The following AK5 variants were observed in gnomAD, a reference collection of about 807,000 sequenced individuals.
AK5 encodes the protein adenylate kinase 5.
Under a neutral mutation model 69.5 loss-of-function variants are expected in AK5, and 27 were observed. The ratio of observed to expected loss-of-function variants is 0.39; its 90% CI spans 0.29 to 0.54. The LOEUF is 0.54. AK5 is among the 20% of genes least tolerant of loss of function. The probability of loss-of-function intolerance (pLI) is 0.71; values close to 1 mark genes in which losing one functional copy is unlikely to be tolerated. For missense variants in AK5, 531 were observed against 700.4 expected, an observed-to-expected ratio of 0.76 and a Z score of 2.73; for synonymous variants, 260 against 244.4, an observed-to-expected ratio of 1.06 and a Z score of -0.60.
chr1:77,327,107 C>CA (rs1300438761), intron 5 of AK5, among the ~76,000 whole-genome samples: 1 of 152,076 alleles, frequency 6.6e-6, no homozygotes, highest in African/African-American at 2.4e-5. Flanking sequence ...CTAAATGGGG[C>CA]AGGGTGCAAT....
chr1:77,510,034 G>C (rs1447454587), intron 10 of AK5, among the ~76,000 whole-genome samples: 1 of 152,210 alleles, frequency 6.6e-6, no homozygotes, highest in Non-Finnish European at 1.5e-5. Context: ...CTTGATCAAA[G>C]TCATCTAACC....
chr1:77,378,415 G>A (rs12043793), intron 6 of AK5, among the ~76,000 whole-genome samples: 33,084 of 151,862 alleles, frequency 0.22, 3,810 homozygotes, highest in Middle Eastern at 0.36. Context: ...TCCGCCTCTC[G>A]GGTTCAAGTG....
At chr1:77,491,194 G>T (rs1371844163) in intron 10 of AK5, among the ~76,000 whole-genome samples, 1 of 151,714 alleles carries the variant, frequency 6.6e-6, no homozygotes, top group African/African-American at 2.4e-5. Flanking sequence ...AGGAAAACTG[G>T]AGTAATAAGA....
At chr1:77,305,602 CT>C (rs1659592060) in intron 5 of AK5, among the ~76,000 whole-genome samples, 1 of 152,182 alleles carries the variant, frequency 6.6e-6, no homozygotes, top group East Asian at 1.9e-4. Flanking sequence ...AAGAGACTGT[CT>C]TTTCCCAATG....
intron 5 of AK5, among the ~76,000 whole-genome samples, chr1:77,331,081 T>A (rs1661062848): frequency 6.6e-6 from 1 of 152,046 alleles, no homozygotes; most frequent in African/African-American, 2.4e-5. Context: ...AAATATAATA[T>A]AATTATGCAG....
intron 13 of AK5, among the ~76,000 whole-genome samples, chr1:77,542,571 A>G (rs1659334449): frequency 2.0e-5 from 3 of 152,220 alleles, no homozygotes. Context: ...GAGAAACCAC[A>G]GAAATAGCTA....
At chr1:77,505,465 A>T (rs929175276) in intron 10 of AK5, among the ~76,000 whole-genome samples, 8 of 152,210 alleles carry the variant, frequency 5.3e-5, no homozygotes, top group Non-Finnish European at 7.3e-5. Flanking sequence ...TTTAGCAGTT[A>T]CCTATGGGGA....
chr1:77,418,550 T>A (rs1008576939), intron 8 of AK5, among the ~76,000 whole-genome samples: 4 of 152,226 alleles, frequency 2.6e-5, no homozygotes, highest in Non-Finnish European at 5.9e-5. Context: ...TCTGGGTCAT[T>A]TTCCTCTCAG....
At chr1:77,291,139 G>A (rs571774460) in intron 2 of AK5, among the ~76,000 whole-genome samples, 4 of 152,184 alleles carry the variant, frequency 2.6e-5, no homozygotes, top group African/African-American at 9.6e-5. Flanking sequence ...ATTTGGTCAG[G>A]AATGAGAGAA....
intron 6 of AK5, among the ~76,000 whole-genome samples, chr1:77,403,925 A>G (rs1224958325): frequency 1.3e-5 from 2 of 152,234 alleles, no homozygotes; most frequent in Non-Finnish European, 2.9e-5. Flanking sequence ...CTTCCTACCC[A>G]TGAGCATGGA....
At chr1:77,338,994 C>A (rs1471516003) in intron 5 of AK5, among the ~76,000 whole-genome samples, 1 of 152,150 alleles carries the variant, frequency 6.6e-6, no homozygotes, top group Non-Finnish European at 1.5e-5. Context: ...GTCTTCCAGC[C>A]TCCCAAGTCC....
intron 13 of AK5, among the ~76,000 whole-genome samples, chr1:77,545,160 C>T (rs977698706): frequency 1.3e-5 from 2 of 152,190 alleles, no homozygotes; most frequent in Non-Finnish European, 2.9e-5. Context: ...ACCTTGCCTC[C>T]CTCAAGTAAC....
At chr1:77,333,211 C>A (rs997320162) in intron 5 of AK5, among the ~76,000 whole-genome samples, 2 of 152,090 alleles carry the variant, frequency 1.3e-5, no homozygotes, top group Non-Finnish European at 2.9e-5. Context: ...CTGTATCAAA[C>A]ACCTCTGAGG....
rs1364607088 is a variant in AK5 at position 77,293,929 on chromosome 1, C to G, written c.384C>G (p.Thr128=). Reference sequence around the variant, plus strand: ...AGGAGTATGAGGTTTTTGATCCTACCAGACCTCGACCAAAAATCATTCTTG... The same window carrying G: ...AGGAGTATGAGGTTTTTGATCCTACGAGACCTCGACCAAAAATCATTCTTG... The part of the protein sequence containing the change: ...LIEEYEVFDP[T]RPRPKIILVI... The change falls in exon 3 of 14, where the codon ACC becomes ACG. Residue 128 remains threonine, a synonymous_variant. Coordinates refer to ENST00000354567, the MANE Select transcript of AK5 (RefSeq NM_174858.3). 6.2e-7 allele frequency: 1 copy of G among 1,612,124 alleles called. No homozygotes were observed. Among genetic ancestry groups the G allele is most frequent in the Admixed American group, 1.7e-5 (1 of 59,562 alleles).
intron 1 of AK5, among the ~76,000 whole-genome samples, chr1:77,284,433 T>C (rs1658235607): frequency 6.6e-6 from 1 of 152,250 alleles, no homozygotes; most frequent in African/African-American, 2.4e-5. Context: ...ACTGACTGAT[T>C]ATTGTATTGA....
At chr1:77,486,262 AG>A in intron 9 of AK5, 45 bp from the exon 10 acceptor site, 1 of 1,286,838 alleles carries the variant, frequency 7.8e-7, no homozygotes, top group Non-Finnish European at 1.1e-6. Context: ...CCAGGGCTTC[AG>A]TACAGTTTTT....
chr1:77,440,091 T>C (rs1468767477), intron 8 of AK5, among the ~76,000 whole-genome samples: 1 of 152,214 alleles, frequency 6.6e-6, no homozygotes, highest in Non-Finnish European at 1.5e-5. Flanking sequence ...CTTTCATGTT[T>C]TTTCGTAATG....
At chr1:77,382,202 G>T (rs753663239) in intron 6 of AK5, among the ~76,000 whole-genome samples, 1 of 148,200 alleles carries the variant, frequency 6.7e-6, no homozygotes, top group East Asian at 2.0e-4. Context: ...ACACTTTCTC[G>T]TAAGACCCAT....
Position 77,287,093 on chromosome 1 carries a change from T to C in AK5, c.213T>C (p.Asn71=), listed in dbSNP as rs762683033. Residue 71 remains asparagine, a synonymous_variant, in exon 2 of 14, where the codon AAT becomes AAC. Coordinates refer to ENST00000354567, the MANE Select transcript of AK5 (RefSeq NM_174858.3). ...AAAAGAAGACCTTACCTCCACTAAA[T>C]GGAGGACAGTCACGGAGATCCTTTC... is the stretch of plus-strand genomic sequence containing the variant. ...SQEKKTLPPL[N]GGQSRRSFLR... is the part of the protein sequence containing the mutation. The C allele has an allele frequency of 1.2e-6, 2 of 1,601,366 alleles. No homozygotes were observed. The highest frequency in any genetic ancestry group is 1.7e-5 in the Admixed American group (1 of 57,894).
Sources: allele counts gnomAD v4.1 joint callset (sites outside exome capture counted in the v4.1 genomes callset), GRCh38; gene constraint gnomAD v4.1.1; transcripts MANE v1.5; gene names NCBI Gene and HGNC (gene_info 2026-07-23, HGNC 2026-07-21).